Variants in CAGE1 observed in about 807,000 individuals in gnomAD.
CAGE1 encodes cancer antigen 1.
Under a neutral mutation model 94.9 loss-of-function variants are expected in CAGE1, and 66 were observed. That is an observed-to-expected ratio of 0.70 (90% CI 0.57 to 0.85). CAGE1 has a LOEUF of 0.85. CAGE1 is among the 40% of genes least tolerant of loss of function. CAGE1 has a pLI of 0.00. For missense variants in CAGE1, 865 were observed against 950.4 expected (o/e 0.91, Z 1.18); for synonymous variants, 319 against 321.0 (o/e 0.99, Z 0.07).
At position 7,339,997 on chromosome 6, in the gene CAGE1, T is replaced by G. The variant is rs879312431; in HGVS notation, c.2370-5907A>C. On this transcript the variant is annotated intron_variant, in intron 11 of 13. Coordinates refer to ENST00000502583, the MANE Select transcript of CAGE1 (RefSeq NM_001170692.2). This position sits in a 1 kb window ranked among gnomAD's most constrained non-coding sequence, Gnocchi z 4.7. ...TTAGTTCTTTAAAGACTTTCCACAC[T>G]GTTTTCCACAGTGGTTATACTAGTT... Among the ~76,000 whole-genome samples, 3 of 152,246 alleles carry G rather than the reference T, an allele frequency of 2.0e-5. No homozygotes were observed. Among genetic ancestry groups the G allele is most frequent in the Admixed American group, 6.5e-5 (1 of 15,288 alleles).
chr6:7,345,517 G>A (rs1293371623), intron 11 of CAGE1, among the ~76,000 whole-genome samples: 4 of 152,140 alleles, frequency 2.6e-5, no homozygotes, highest in Non-Finnish European at 5.9e-5. Context: ...AGATCACTCT[G>A]GCTGCATATA....
At chr6:7,355,432 A>C (rs913463167) in intron 10 of CAGE1, among the ~76,000 whole-genome samples, 3 of 152,242 alleles carry the variant, frequency 2.0e-5, no homozygotes, top group Admixed American at 6.5e-5. Context: ...AGTTTTAATA[A>C]GGTAAACTGG....
intron 7 of CAGE1, among the ~76,000 whole-genome samples, chr6:7,367,422 G>A (rs1236780518): frequency 2.6e-5 from 4 of 151,876 alleles, no homozygotes; most frequent in African/African-American, 9.7e-5. Flanking sequence ...ACACAGGTGT[G>A]TGCCACCACG....
At chr6:7,333,665 T>C (rs1197574153) in intron 12 of CAGE1, among the ~76,000 whole-genome samples, 1 of 106,768 alleles carries the variant, frequency 9.4e-6, no homozygotes, top group African/African-American at 4.8e-5. Flanking sequence ...TATATATATA[T>C]ATATATATAC....
rs1761023169 is a variant in CAGE1, at chr6:7,383,874, GT to G, written c.283+1910del. On this transcript the variant is annotated intron_variant, in intron 3 of 13. Transcript: ENST00000502583. ...GTTAGATTTATTCTTAGGTACCTTA[GT>G]TTGTGCTGTTACTGATAATAGTAAG... 2.0e-5 allele frequency among the ~76,000 whole-genome samples: 3 copies of G among 152,026 alleles called. No homozygotes were observed. In the South Asian group the frequency reaches 6.2e-4, roughly 31 times the overall value.
At chr6:7,345,146 TAGGTCC>T (rs1561851689) in intron 11 of CAGE1, among the ~76,000 whole-genome samples, 19 of 42,528 alleles carry the variant, frequency 4.5e-4, no homozygotes, top group African/African-American at 2.9e-3. Context: ...TTTTAGGAGC[TAGGTCC>T]ATATTGCTTT....
chr6:7,378,913 C>A lies in CAGE1; in HGVS notation c.391G>T (p.Glu131Ter). 1 of 1,606,768 alleles carries A rather than the reference C, an allele frequency of 6.2e-7. No homozygotes were observed. Among genetic ancestry groups the A allele is most frequent in the Non-Finnish European group, 8.5e-7 (1 of 1,175,834 alleles). Residue 131 changes from glutamate to a stop codon, truncating the protein, a stop_gained, in exon 4 of 14, where the codon GAA (glutamate) becomes TAA (stop). Coordinates refer to ENST00000502583, the MANE Select transcript of CAGE1 (RefSeq NM_001170692.2). LOFTEE classifies it high-confidence loss of function. The stretch of plus-strand genomic sequence containing the variant: ...TCTGTCATTTCATCATCAAATGCTT[C>A]TACCCAGTGAAATTTGCAAACGGTT... ...FETVCKFHWVEAFDDEMTEKP... is the reference protein window; with the variant it reads ...FETVCKFHWV
chr6:7,364,952 T>C (rs187693851), intron 9 of CAGE1, among the ~76,000 whole-genome samples: 1 of 152,350 alleles, frequency 6.6e-6, no homozygotes, highest in Non-Finnish European at 1.5e-5. Context: ...TTCATTATGT[T>C]AATTAGTCGT....
intron 12 of CAGE1, 106 bp downstream of exon 12, chr6:7,333,916 C>A: frequency 1.5e-6 from 1 of 655,072 alleles, no homozygotes; most frequent in Non-Finnish European, 2.6e-6. Context: ...GATCCACCCA[C>A]CTTGGCCTCC....
At position 7,326,909 on chromosome 6, in the gene CAGE1, A is replaced by G; in HGVS notation, c.2479-10T>C. The G allele has an allele frequency of 1.9e-6, 3 of 1,582,194 alleles. No homozygotes were observed. Among genetic ancestry groups the G allele is most frequent in the Non-Finnish European group, 2.6e-6 (3 of 1,151,646 alleles). ...TAAAAAGAGCTGGCATCTAAAAATGAAAGGAAAAATGTTTCGTAAGTTTTG... is the reference window on the plus strand; with the variant it reads ...TAAAAAGAGCTGGCATCTAAAAATGGAAGGAAAAATGTTTCGTAAGTTTTG... On this transcript the variant is annotated splice_polypyrimidine_tract_variant and intron_variant, in intron 13 of 13. Transcript: ENST00000502583.
chr6:7,328,926 A>ATT (rs1324230400), intron 13 of CAGE1, among the ~76,000 whole-genome samples: 57 of 85,466 alleles, frequency 6.7e-4, no homozygotes, highest in South Asian at 3.0e-3. Flanking sequence ...GTGTATATAT[A>ATT]TATATATATT....
chr6:7,365,919 A>C (rs766841004), intron 7 of CAGE1, 35 bp from the exon 8 acceptor site: 1 of 1,179,108 alleles, frequency 8.5e-7, no homozygotes, highest in Non-Finnish European at 1.2e-6. Context: ...TTTTAGAGAG[A>C]AAATACAACT....
chr6:7,378,409 A>G (rs185823283), intron 4 of CAGE1, among the ~76,000 whole-genome samples: 1 of 152,240 alleles, frequency 6.6e-6, no homozygotes, highest in African/African-American at 2.4e-5. Flanking sequence ...AAAGTCCCTC[A>G]TGCTAACTAG....
At chr6:7,387,870 A>C (rs897340452) in intron 1 of CAGE1, among the ~76,000 whole-genome samples, 1 of 149,610 alleles carries the variant, frequency 6.7e-6, no homozygotes, top group Non-Finnish European at 1.5e-5. Flanking sequence ...ATACAAAAAA[A>C]AAAAAAAAAA....
At chr6:7,363,623 G>A (rs1251026787) in intron 9 of CAGE1, among the ~76,000 whole-genome samples, 1 of 152,108 alleles carries the variant, frequency 6.6e-6, no homozygotes, top group Non-Finnish European at 1.5e-5. Context: ...CTGTCTGCTG[G>A]TAGTTAGGTC....
intron 9 of CAGE1, among the ~76,000 whole-genome samples, chr6:7,361,402 G>A (rs974064702): frequency 6.6e-6 from 1 of 152,166 alleles, no homozygotes; most frequent in African/African-American, 2.4e-5. Context: ...TCTTTATTAA[G>A]TGGTAAAATG....
intron 3 of CAGE1, among the ~76,000 whole-genome samples, chr6:7,379,865 A>T (rs1760874571): frequency 6.6e-6 from 1 of 152,230 alleles, no homozygotes; most frequent in Non-Finnish European, 1.5e-5. Context: ...GACCAAAAGG[A>T]ATACTTAAGT....
chr6:7,348,220 G>A (rs1367761682), intron 11 of CAGE1, among the ~76,000 whole-genome samples: 4 of 152,158 alleles, frequency 2.6e-5, no homozygotes, highest in African/African-American at 7.2e-5. Context: ...AGCCACAGCT[G>A]ATATCCATAG....
intron 11 of CAGE1, among the ~76,000 whole-genome samples, chr6:7,344,668 C>T (rs1424043589): frequency 2.0e-5 from 3 of 152,226 alleles, no homozygotes; most frequent in Non-Finnish European, 4.4e-5. Flanking sequence ...TGGGTGAAGC[C>T]AGCTGAGCTT....
Sources: gnomAD v4.1 joint callset for allele counts (sites outside exome capture counted in the v4.1 genomes callset) on GRCh38, gnomAD v4.1.1 for gene constraint, Gnocchi (gnomAD v3.1) non-coding constraint, MANE v1.5 for transcripts, NCBI Gene and HGNC (gene_info 2026-07-23, HGNC 2026-07-21) for gene names.